The following PPP1R14C variants were observed in gnomAD, a reference collection of about 807,000 sequenced individuals.
PPP1R14C encodes protein phosphatase 1 regulatory inhibitor subunit 14C.
In PPP1R14C, 16 loss-of-function variants were observed where a neutral mutation model predicts 20.4. The ratio of observed to expected loss-of-function variants is 0.78; its 90% CI spans 0.53 to 1.19. The LOEUF (loss-of-function observed/expected upper bound fraction) is 1.19, where lower values mean the gene tolerates loss of function less well. Among genes scored for constraint, PPP1R14C ranks in the 50% most tolerant of loss-of-function variants. The pLI is 0.00. For missense variants in PPP1R14C, 211 were observed against 220.1 expected, an observed-to-expected ratio of 0.96 and a Z score of 0.26; for synonymous variants, 91 against 91.0, an observed-to-expected ratio of 1.00 and a Z score of 0.00.
At chr6:150,236,608 T>C (rs1778363206) in intron 3 of PPP1R14C, among the ~76,000 whole-genome samples, 2 of 143,014 alleles carry the variant, frequency 1.4e-5, no homozygotes, top group South Asian at 2.3e-4. Context: ...AGGTGGTTGG[T>C]GCCACTGTGT....
intron 1 of PPP1R14C, among the ~76,000 whole-genome samples, chr6:150,209,349 A>G (rs1189286605): frequency 6.6e-6 from 1 of 152,214 alleles, no homozygotes; most frequent in East Asian, 1.9e-4. Flanking sequence ...TATATTTTTT[A>G]AAAGCTAATG....
chr6:150,168,114 T>C (rs1582900646), intron 1 of PPP1R14C, among the ~76,000 whole-genome samples: 3 of 87,532 alleles, frequency 3.4e-5, no homozygotes, highest in African/African-American at 4.7e-5. Context: ...TTTACTTCCC[T>C]CCCCCACTCC....
rs374673522 is a variant in PPP1R14C, at chr6:150,143,698, G to A, written c.306+200G>A. 7.2e-5 allele frequency among the ~76,000 whole-genome samples: 11 copies of A among 152,310 alleles called. 1 individual carries two copies. The highest frequency in any genetic ancestry group is 1.9e-4 in the East Asian group (1 of 5,160). On this transcript the variant is annotated intron_variant, in intron 1 of 3. Transcript: ENST00000361131. This position sits in a 1 kb window ranked among gnomAD's most constrained non-coding sequence, Gnocchi z 5.6. Reference sequence around the variant, plus strand: ...CAGCGGTTGGGACGCCCCTGTCTGGGTTCGGCTGCCGGTGCCCGGGGATCT... The same window carrying A: ...CAGCGGTTGGGACGCCCCTGTCTGGATTCGGCTGCCGGTGCCCGGGGATCT...
At position 150,155,900 on chromosome 6, in the gene PPP1R14C, C is replaced by T. The variant is rs371000531; in HGVS notation, c.306+12402C>T. Among the ~76,000 whole-genome samples the T allele has an allele frequency of 3.4e-3, 520 of 151,560 alleles. 4 individuals carry two copies. Among genetic ancestry groups the T allele is most frequent in the African/African-American group, 0.012 (502 of 41,298 alleles). On this transcript the variant is annotated intron_variant, in intron 1 of 3. Coordinates refer to ENST00000361131, the MANE Select transcript of PPP1R14C (RefSeq NM_030949.3). The stretch of plus-strand genomic sequence containing the variant: ...ATTAGCCAGGTGTGATGGTGGGCAC[C>T]TGTAATCCCAGCTACTCAGGAGGCT...
chr6:150,204,579 A>G (rs1777920270), intron 1 of PPP1R14C, among the ~76,000 whole-genome samples: 1 of 152,180 alleles, frequency 6.6e-6, no homozygotes, highest in Admixed American at 6.5e-5. Context: ...CCATTTGTTG[A>G]GTTTGCACAA....
At chr6:150,192,930 T>A (rs1443326221) in intron 1 of PPP1R14C, among the ~76,000 whole-genome samples, 2 of 152,206 alleles carry the variant, frequency 1.3e-5, no homozygotes, top group Non-Finnish European at 2.9e-5. Flanking sequence ...TTGGGACCCC[T>A]GTGCTAGAGG....
chr6:150,149,711 T>C (rs936147039), intron 1 of PPP1R14C, among the ~76,000 whole-genome samples: 1 of 152,140 alleles, frequency 6.6e-6, no homozygotes, highest in Admixed American at 6.5e-5. Context: ...AGTGTTGTTA[T>C]TGGAGCCACA....
At chr6:150,153,345 G>A (rs1023236130) in intron 1 of PPP1R14C, among the ~76,000 whole-genome samples, 1 of 152,236 alleles carries the variant, frequency 6.6e-6, no homozygotes, top group African/African-American at 2.4e-5. Context: ...TTATAACTAT[G>A]GAGTCCTTTG....
rs576280657 is a variant in PPP1R14C at position 150,231,209 on chromosome 6, T to C, written c.423+14353T>C. On this transcript the variant is annotated intron_variant, in intron 3 of 3. Coordinates refer to ENST00000361131, the MANE Select transcript of PPP1R14C (RefSeq NM_030949.3). ...CTGCCGCATCCCCTCCGAAACGTGT[T>C]TGGACTTCTTTCTTTCTTAGAAGTC... Among the ~76,000 whole-genome samples, 168 of 152,364 alleles carry C rather than the reference T, an allele frequency of 1.1e-3. 1 individual carries two copies. Among genetic ancestry groups the C allele is most frequent in the African/African-American group, 3.8e-3 (157 of 41,584 alleles).
At chr6:150,175,745 C>T (rs145627309) in intron 1 of PPP1R14C, among the ~76,000 whole-genome samples, 5 of 152,282 alleles carry the variant, frequency 3.3e-5, no homozygotes, top group African/African-American at 1.2e-4. Flanking sequence ...GATAACATAA[C>T]CCATGGCTCT....
intron 3 of PPP1R14C, among the ~76,000 whole-genome samples, chr6:150,217,471 A>G (rs558601371): frequency 6.6e-6 from 1 of 152,310 alleles, no homozygotes; most frequent in South Asian, 2.1e-4. Context: ...CTGGGATTAC[A>G]GGTGTGAGCC....
At chr6:150,206,280 A>G (rs184221531) in intron 1 of PPP1R14C, among the ~76,000 whole-genome samples, 126 of 152,260 alleles carry the variant, frequency 8.3e-4, no homozygotes, top group Non-Finnish European at 1.7e-3. Flanking sequence ...TTGCCACTGT[A>G]CGTATTGTAC....
At chr6:150,205,299 C>T (rs544598372) in intron 1 of PPP1R14C, among the ~76,000 whole-genome samples, 23 of 152,264 alleles carry the variant, frequency 1.5e-4, no homozygotes, top group Non-Finnish European at 2.8e-4. Context: ...ACTTCTGGGA[C>T]CAACAGCCCC....
At chr6:150,193,606 G>T (rs1777770624) in intron 1 of PPP1R14C, among the ~76,000 whole-genome samples, 1 of 151,684 alleles carries the variant, frequency 6.6e-6, no homozygotes, top group Non-Finnish European at 1.5e-5. Flanking sequence ...GAGGGCCAGG[G>T]CTGGGAGAAG....
intron 1 of PPP1R14C, among the ~76,000 whole-genome samples, chr6:150,145,034 G>A (rs765289432): frequency 1.6e-4 from 25 of 151,716 alleles, no homozygotes; most frequent in Non-Finnish European, 3.4e-4. Flanking sequence ...GAAAAGATTC[G>A]AATTAATAGA....
At chr6:150,241,911 T>C (rs1778436176) in intron 3 of PPP1R14C, among the ~76,000 whole-genome samples, 1 of 152,186 alleles carries the variant, frequency 6.6e-6, no homozygotes, top group African/African-American at 2.4e-5. Flanking sequence ...AGTGTCAGAA[T>C]TGAATTGAAT....
intron 3 of PPP1R14C, among the ~76,000 whole-genome samples, chr6:150,230,793 A>G (rs1778285303): frequency 6.6e-6 from 1 of 152,228 alleles, no homozygotes; most frequent in African/African-American, 2.4e-5. Flanking sequence ...TGCTTAAAAG[A>G]AGGACATAAG....
chr6:150,148,007 A>G (rs186657911), intron 1 of PPP1R14C, among the ~76,000 whole-genome samples: 6 of 152,344 alleles, frequency 3.9e-5, no homozygotes, highest in Non-Finnish European at 5.9e-5. Context: ...AAGGAAAAAT[A>G]TTATAAAAGT....
chr6:150,186,985 T>G (rs1454812004), intron 1 of PPP1R14C, among the ~76,000 whole-genome samples: 1 of 152,094 alleles, frequency 6.6e-6, no homozygotes, highest in East Asian at 1.9e-4. Context: ...TTAGTCTTTT[T>G]TTTTTTTGAG....
Sources: allele counts gnomAD v4.1 joint callset (sites outside exome capture counted in the v4.1 genomes callset), GRCh38; gene constraint gnomAD v4.1.1; non-coding constraint Gnocchi (gnomAD v3.1); transcripts MANE v1.5; gene names NCBI Gene and HGNC (gene_info 2026-07-23, HGNC 2026-07-21).